Variants in HECW2 observed in about 807,000 individuals in gnomAD.
The protein encoded by HECW2 is HECT, C2 and WW domain containing E3 ubiquitin protein ligase 2.
In HECW2, 61 loss-of-function variants were observed where a neutral mutation model predicts 175.2. The observed-to-expected ratio is 0.35, with a 90% confidence interval of 0.28 to 0.43. HECW2 has a LOEUF of 0.43. Among genes scored for constraint, HECW2 ranks in the 20% least tolerant of loss-of-function variants. HECW2 has a pLI of 1.00. For synonymous variants in HECW2, 671 were observed against 731.0 expected (o/e 0.92, Z 1.32); for missense variants, 1,524 against 2,000.5 (o/e 0.76, Z 4.54).
In HECW2 at chr2:196,460,806, G is replaced by C. The variant is rs1392768020; in HGVS notation, c.-35-27348C>G. ...TTTTTTTTTTTTTTTTTTTTTTTTT[G>C]GAGAGATAGGCTCTCACTATGTTGC... is the stretch of plus-strand genomic sequence containing the variant. On this transcript the variant is annotated intron_variant, in intron 1 of 28. Transcript: ENST00000644978. 2.8e-4 allele frequency among the ~76,000 whole-genome samples: 12 copies of C among 43,198 alleles called. No individual in the cohort carries two copies. The East Asian group carries it at 9.9e-3, about 36-fold the overall frequency. The allele number at this position is 43,198 out of a possible 152,430, so 28.3% of individuals were successfully genotyped here.
intron 14 of HECW2, among the ~76,000 whole-genome samples, chr2:196,287,418 C>T (rs371318456): frequency 5.9e-5 from 9 of 152,006 alleles, no homozygotes; most frequent in African/African-American, 9.7e-5. Context: ...AAAGTTTCTT[C>T]GCATCTTGAT....
chr2:196,238,275 C>A (rs149154162), intron 21 of HECW2, among the ~76,000 whole-genome samples: 58 of 152,166 alleles, frequency 3.8e-4, no homozygotes, highest in Non-Finnish European at 5.9e-4. Context: ...CCTCCAGCTC[C>A]ATTTTTATAG....
intron 1 of HECW2, among the ~76,000 whole-genome samples, chr2:196,479,904 T>C (rs1313228758): frequency 6.6e-6 from 1 of 152,246 alleles, no homozygotes; most frequent in African/African-American, 2.4e-5. Context: ...CTACTTCTAC[T>C]GTCTTCAACT....
intron 2 of HECW2, among the ~76,000 whole-genome samples, chr2:196,385,428 C>T (rs1483458296): frequency 6.6e-6 from 1 of 152,084 alleles, no homozygotes; most frequent in Non-Finnish European, 1.5e-5. Flanking sequence ...ATTAATTTTC[C>T]ATCATGCAGA....
At position 196,483,744 on chromosome 2, in the gene HECW2, G is replaced by A. The variant is rs185805051; in HGVS notation, c.-35-50286C>T. 3.3e-3 allele frequency among the ~76,000 whole-genome samples: 507 copies of A among 152,272 alleles called. 3 individuals are homozygous for A. Among genetic ancestry groups the A allele is most frequent in the Non-Finnish European group, 4.9e-3 (336 of 68,006 alleles). On this transcript the variant is annotated intron_variant, in intron 1 of 28. Transcript: ENST00000644978. ...ACATTCAGCAAAATCCAAACTGTGG[G>A]AAATTATACTAGGAAAAATAACTCA...
At chr2:196,303,831 C>G (rs1691160145) in intron 13 of HECW2, among the ~76,000 whole-genome samples, 1 of 152,020 alleles carries the variant, frequency 6.6e-6, no homozygotes, top group African/African-American at 2.4e-5. Flanking sequence ...TACAGTTGCT[C>G]CTTCTTGAAG....
rs538004517 is a variant in HECW2 at position 196,402,123 on chromosome 2, T to C, written c.292+31009A>G. On this transcript the variant is annotated intron_variant, in intron 2 of 28. Coordinates refer to ENST00000644978, the MANE Select transcript of HECW2 (RefSeq NM_001348768.2). ...GGCTGAGGCAGGAGAATGGCATGAATCTGGGAGGCGGAGCTTGCAGTGAGC... is the reference window on the plus strand; with the variant it reads ...GGCTGAGGCAGGAGAATGGCATGAACCTGGGAGGCGGAGCTTGCAGTGAGC... Among the ~76,000 whole-genome samples the C allele has an allele frequency of 1.1e-3, 150 of 140,522 alleles. 4 individuals carry two copies. In the South Asian group the frequency reaches 0.017, roughly 16 times the overall value. The allele number at this position is 140,522 out of a possible 152,430, so 92.2% of individuals were successfully genotyped here. A position where few individuals can be genotyped will look rare whatever the true frequency, so the allele number is the denominator to read the frequency against.
At chr2:196,408,996 T>C (rs186386814) in intron 2 of HECW2, among the ~76,000 whole-genome samples, 91 of 152,334 alleles carry the variant, frequency 6.0e-4, no homozygotes, top group Admixed American at 2.5e-3. Flanking sequence ...GGGAGTCTAT[T>C]GTTAACTTTT....
rs4850684 is a variant in HECW2 at position 196,235,122 on chromosome 2, C to A, written c.3764+5327G>T. Among the ~76,000 whole-genome samples the A allele has an allele frequency of 1.3e-3, 201 of 149,452 alleles. 1 individual carries two copies. Among genetic ancestry groups the A allele is most frequent in the Non-Finnish European group, 2.2e-3 (149 of 67,532 alleles). ...TGTATTTTTTTTTTGTTTTTAGACC[C>A]AGTCTCGCTCTGTCGCCCAGGCTGG... On this transcript the variant is annotated intron_variant, in intron 21 of 28. Coordinates refer to ENST00000644978, the MANE Select transcript of HECW2 (RefSeq NM_001348768.2).
chr2:196,355,263 A>G (rs963740573), intron 2 of HECW2, among the ~76,000 whole-genome samples: 5 of 152,206 alleles, frequency 3.3e-5, no homozygotes, highest in African/African-American at 7.2e-5. Flanking sequence ...TGCTGTCAGT[A>G]CATGATTTTC....
intron 2 of HECW2, among the ~76,000 whole-genome samples, chr2:196,432,533 T>C (rs1284262392): frequency 1.3e-5 from 2 of 152,228 alleles, no homozygotes; most frequent in Admixed American, 6.5e-5. Context: ...ACAACAAGCG[T>C]AAATTAGCTA....
At chr2:196,270,826 C>T (rs139470019) in intron 17 of HECW2, among the ~76,000 whole-genome samples, 4,130 of 152,112 alleles carry the variant, frequency 0.027, 81 homozygotes, top group Non-Finnish European at 0.041. Flanking sequence ...CTTAGCCTCC[C>T]GAGTAGCTAC....
intron 13 of HECW2, among the ~76,000 whole-genome samples, chr2:196,298,841 G>A (rs1416624909): frequency 6.6e-6 from 1 of 151,934 alleles, no homozygotes; most frequent in African/African-American, 2.4e-5. Flanking sequence ...TCAATAATAC[G>A]AACAGGGAAG....
intron 2 of HECW2, among the ~76,000 whole-genome samples, chr2:196,350,315 A>AG (rs1489218872): frequency 1.3e-5 from 2 of 152,190 alleles, no homozygotes; most frequent in African/African-American, 2.4e-5. Context: ...CAGGGAGCTG[A>AG]GATTGTGCCA....
chr2:196,428,624 C>T (rs1695616980), intron 2 of HECW2, among the ~76,000 whole-genome samples: 1 of 152,152 alleles, frequency 6.6e-6, no homozygotes, highest in African/African-American at 2.4e-5. Context: ...TATTAAAGCA[C>T]TGAAAATTTC....
intron 2 of HECW2, among the ~76,000 whole-genome samples, chr2:196,369,046 G>A (rs921182569): frequency 2.0e-5 from 3 of 152,102 alleles, no homozygotes; most frequent in Non-Finnish European, 2.9e-5. Flanking sequence ...ATGTTCTTCA[G>A]GGTCTGGGCT....
chr2:196,588,599 A>G (rs1691070985), intron 1 of HECW2, among the ~76,000 whole-genome samples: 2 of 152,238 alleles, frequency 1.3e-5, no homozygotes, highest in African/African-American at 4.8e-5. Context: ...GGTTTATTTC[A>G]AACCTACAAT....
At chr2:196,296,111 T>C (rs924039927) in intron 13 of HECW2, among the ~76,000 whole-genome samples, 4 of 151,926 alleles carry the variant, frequency 2.6e-5, no homozygotes, top group Non-Finnish European at 5.9e-5. Flanking sequence ...CATATGTTTA[T>C]GCAAAAACTG....
chr2:196,471,463 G>A (rs1165098152), intron 1 of HECW2, among the ~76,000 whole-genome samples: 1 of 152,086 alleles, frequency 6.6e-6, no homozygotes, highest in African/African-American at 2.4e-5. Context: ...TCCTATTATT[G>A]GATATATACA....
Sources: allele counts gnomAD v4.1 joint callset (sites outside exome capture counted in the v4.1 genomes callset), GRCh38; gene constraint gnomAD v4.1.1; transcripts MANE v1.5; gene names NCBI Gene and HGNC (gene_info 2026-07-23, HGNC 2026-07-21).